The following KIAA1549L variants were observed in gnomAD, a reference collection of about 807,000 sequenced individuals.
The protein encoded by KIAA1549L is KIAA1549 like.
Under a neutral mutation model 160.7 loss-of-function variants are expected in KIAA1549L, and 88 were observed. The ratio of observed to expected loss-of-function variants is 0.55; its 90% confidence interval spans 0.46 to 0.65. The LOEUF (loss-of-function observed/expected upper bound fraction) is 0.65, where lower values mean the gene tolerates loss of function less well. KIAA1549L is among the 30% of genes least tolerant of loss of function. The pLI is 0.00. For missense variants in KIAA1549L, 2,258 were observed against 2,437.5 expected, an observed-to-expected ratio of 0.93 and a Z score of 1.55; for synonymous variants, 950 against 976.7, an observed-to-expected ratio of 0.97 and a Z score of 0.51.
intron 1 of KIAA1549L, among the ~76,000 whole-genome samples, chr11:33,455,640 A>G (rs1007367959): frequency 2.0e-5 from 3 of 152,228 alleles, no homozygotes; most frequent in Non-Finnish European, 2.9e-5. Context: ...TTTCCTGGGT[A>G]TAATGTTTCC....
At chr11:33,460,668 A>G (rs553728747) in intron 1 of KIAA1549L, among the ~76,000 whole-genome samples, 2 of 152,324 alleles carry the variant, frequency 1.3e-5, no homozygotes, top group South Asian at 4.1e-4. Flanking sequence ...ATTTATGCAT[A>G]GTGGAGAAGT....
intron 12 of KIAA1549L, among the ~76,000 whole-genome samples, chr11:33,593,357 T>C (rs1371749052): frequency 6.6e-6 from 1 of 152,184 alleles, no homozygotes; most frequent in Non-Finnish European, 1.5e-5. Flanking sequence ...GAGCATGGCT[T>C]GAGCACAGGA....
intron 11 of KIAA1549L, among the ~76,000 whole-genome samples, chr11:33,584,173 G>A (rs1183609359): frequency 6.6e-6 from 1 of 152,224 alleles, no homozygotes. Context: ...CTTGATCTTG[G>A]ACTTCTCAGC....
intron 1 of KIAA1549L, among the ~76,000 whole-genome samples, chr11:33,522,969 T>C (rs1039216037): frequency 2.0e-5 from 3 of 152,184 alleles, no homozygotes; most frequent in Admixed American, 6.5e-5. Flanking sequence ...GTGCACATCC[T>C]TATGTTGACT....
chr11:33,535,282 C>G (rs1853868013), intron 1 of KIAA1549L, among the ~76,000 whole-genome samples: 1 of 152,126 alleles, frequency 6.6e-6, no homozygotes, highest in African/African-American at 2.4e-5. Flanking sequence ...CTTACTTTAT[C>G]AAGGCACCAA....
chr11:33,442,109 G>A (rs1469590834), intron 1 of KIAA1549L, among the ~76,000 whole-genome samples: 22 of 151,736 alleles, frequency 1.4e-4, no homozygotes, highest in Non-Finnish European at 2.4e-4. Flanking sequence ...AAGGTATAAG[G>A]AAGGGATCCA....
chr11:33,592,907 A>G (rs1043174561), intron 12 of KIAA1549L, among the ~76,000 whole-genome samples: 1 of 152,256 alleles, frequency 6.6e-6, no homozygotes, highest in African/African-American at 2.4e-5. Context: ...CAGTTTGTGC[A>G]TCGCCCAGAG....
intron 1 of KIAA1549L, among the ~76,000 whole-genome samples, chr11:33,382,386 G>T (rs1850089496): frequency 6.6e-6 from 1 of 152,150 alleles, no homozygotes; most frequent in Non-Finnish European, 1.5e-5. Context: ...TGTGAAGGTG[G>T]TTAGTGGCTC....
intron 6 of KIAA1549L, among the ~76,000 whole-genome samples, chr11:33,557,114 A>G (rs866524160): frequency 4.6e-5 from 7 of 152,070 alleles, no homozygotes; most frequent in Admixed American, 1.3e-4. Flanking sequence ...CAGCCTCCCA[A>G]GCAGCTGGGA....
chr11:33,507,111 G>T (rs1853109917), intron 1 of KIAA1549L, among the ~76,000 whole-genome samples: 1 of 152,184 alleles, frequency 6.6e-6, no homozygotes, highest in African/African-American at 2.4e-5. Context: ...AACATAGGGA[G>T]ATCTGGGTTT....
At chr11:33,507,654 G>A (rs1420391006) in intron 1 of KIAA1549L, among the ~76,000 whole-genome samples, 1 of 152,142 alleles carries the variant, frequency 6.6e-6, no homozygotes, top group African/African-American at 2.4e-5. Context: ...TTGTGAAATA[G>A]AGATACTCCT....
intron 16 of KIAA1549L, among the ~76,000 whole-genome samples, chr11:33,636,380 G>A (rs946416731): frequency 7.1e-5 from 10 of 140,034 alleles, no homozygotes; most frequent in African/African-American, 2.4e-4. Context: ...ACAGAGTCTC[G>A]CTGTGTCACC....
At chr11:33,400,506 G>A (rs1254304183) in intron 1 of KIAA1549L, among the ~76,000 whole-genome samples, 1 of 152,194 alleles carries the variant, frequency 6.6e-6, no homozygotes, top group African/African-American at 2.4e-5. Flanking sequence ...GATAATGCTA[G>A]GGGTCTTGTG....
chr11:33,589,045 A>T (rs1358041579), intron 11 of KIAA1549L, among the ~76,000 whole-genome samples: 1 of 152,218 alleles, frequency 6.6e-6, no homozygotes, highest in Non-Finnish European at 1.5e-5. Context: ...ATCTCTGGCT[A>T]AATTAGCTGC....
chr11:33,481,881 C>T (rs1852418758), intron 1 of KIAA1549L, among the ~76,000 whole-genome samples: 1 of 152,212 alleles, frequency 6.6e-6, no homozygotes, highest in African/African-American at 2.4e-5. Context: ...CTCTTAACTG[C>T]ACCTTTTAAG....
chr11:33,572,224 A>G, intron 9 of KIAA1549L, among the ~76,000 whole-genome samples: 1 of 151,834 alleles, frequency 6.6e-6, no homozygotes, highest in East Asian at 1.9e-4. Flanking sequence ...TTTAGTAGAG[A>G]TGGGGTTTTG....
At chr11:33,458,926 T>C (rs900534243) in intron 1 of KIAA1549L, among the ~76,000 whole-genome samples, 11 of 152,216 alleles carry the variant, frequency 7.2e-5, no homozygotes, top group Non-Finnish European at 1.5e-4. Flanking sequence ...ACTTAGAATC[T>C]GAGAAACAAT....
intron 1 of KIAA1549L, among the ~76,000 whole-genome samples, chr11:33,488,480 G>C (rs1180272046): frequency 6.6e-6 from 1 of 152,166 alleles, no homozygotes; most frequent in Non-Finnish European, 1.5e-5. Flanking sequence ...CTTGTGTCTT[G>C]TTTAATAGTT....
intron 1 of KIAA1549L, among the ~76,000 whole-genome samples, chr11:33,483,452 A>G (rs1049882800): frequency 1.2e-4 from 18 of 152,140 alleles, no homozygotes; most frequent in African/African-American, 4.1e-4. Context: ...CATTACACAT[A>G]TATTAATAGA....
Sources: allele counts gnomAD v4.1 joint callset (sites outside exome capture counted in the v4.1 genomes callset), GRCh38; gene constraint gnomAD v4.1.1; transcripts MANE v1.5; gene names NCBI Gene and HGNC (gene_info 2026-07-23, HGNC 2026-07-21).